Variants in LIMD1 observed in about 807,000 individuals in gnomAD.
The protein encoded by LIMD1 is LIM domain-containing protein 1.
In LIMD1, 23 loss-of-function variants were observed where a neutral mutation model predicts 58.4. That is an observed-to-expected ratio of 0.39 (90% CI 0.28 to 0.56). The LOEUF is 0.56. LIMD1 is among the 20% of genes least tolerant of loss of function. The pLI is 0.57. For missense variants in LIMD1, 838 were observed against 855.5 expected, an observed-to-expected ratio of 0.98 and a Z score of 0.25; for synonymous variants, 334 against 345.5, an observed-to-expected ratio of 0.97 and a Z score of 0.37.
intron 5 of LIMD1, 97 bp downstream of exon 5, chr3:45,672,917 C>T (rs760141918): frequency 4.3e-5 from 62 of 1,444,864 alleles, no homozygotes; most frequent in African/African-American, 9.8e-5. Flanking sequence ...GTTTGCCAGC[C>T]GCCCTTAGAT....
chr3:45,658,984 CT>C (rs1490449968), intron 2 of LIMD1, among the ~76,000 whole-genome samples: 1 of 151,994 alleles, frequency 6.6e-6, no homozygotes, highest in Non-Finnish European at 1.5e-5. Flanking sequence ...TTGCTTTTTA[CT>C]TTTCACATTA....
At chr3:45,671,297 C>T (rs568908330) in intron 4 of LIMD1, among the ~76,000 whole-genome samples, 3 of 152,292 alleles carry the variant, frequency 2.0e-5, no homozygotes, top group South Asian at 2.1e-4. Context: ...TGGAGTTATC[C>T]GCCTGAGGCT....
At chr3:45,630,966 G>C (rs530730218) in intron 1 of LIMD1, among the ~76,000 whole-genome samples, 1 of 152,280 alleles carries the variant, frequency 6.6e-6, no homozygotes, top group African/African-American at 2.4e-5. Context: ...CACTTTGGGA[G>C]GCCGAGGCGG....
In LIMD1 at chr3:45,684,603, T is replaced by C. The variant is rs80237001; in HGVS notation, c.*7544T>C. ...ATTCCTGGCGGGAAGCAGACTGATA[T>C]ATAGAGGAGGGGGTTTGAAGAGGTG... On this transcript the variant is annotated 3_prime_UTR_variant, in exon 8 of 8. Transcript: ENST00000273317. The C allele has an allele frequency of 0.059, 9,026 of 152,076 alleles. 893 individuals are homozygous for C. The highest frequency in any genetic ancestry group is 0.2 in the African/African-American group (8,485 of 41,436). 9.4% of individuals were successfully genotyped at this position (152,076 alleles called of 1,614,324 possible).
At position 45,680,050 on chromosome 3, in the gene LIMD1, A is replaced by C. The variant is rs1697720244; in HGVS notation, c.*2991A>C. 1 of 152,218 alleles carries C rather than the reference A, an allele frequency of 6.6e-6. No homozygotes were observed. The highest frequency in any genetic ancestry group is 6.5e-5 in the Admixed American group (1 of 15,286). 9.4% of individuals were successfully genotyped at this position (152,218 alleles called of 1,614,324 possible). ...GGTCTGGTCACCCTCAAGCGCCGTC[A>C]TCGCCTTGTTTCCATGGGCTTCTGT... On this transcript the variant is annotated 3_prime_UTR_variant, in exon 8 of 8. Coordinates refer to ENST00000273317, the MANE Select transcript of LIMD1 (RefSeq NM_014240.3).
intron 1 of LIMD1, among the ~76,000 whole-genome samples, chr3:45,635,263 C>T (rs963315984): frequency 5.3e-5 from 8 of 151,960 alleles, no homozygotes; most frequent in East Asian, 1.9e-4. Flanking sequence ...CTCTCTCTCT[C>T]GATGGATGAT....
intron 2 of LIMD1, among the ~76,000 whole-genome samples, chr3:45,648,724 TG>T (rs1459089108): frequency 1.3e-5 from 2 of 152,206 alleles, no homozygotes; most frequent in Non-Finnish European, 2.9e-5. Flanking sequence ...TCCACATCCT[TG>T]CCAACGCTTA....
chr3:45,596,763 C>T (rs2005227), intron 1 of LIMD1, among the ~76,000 whole-genome samples: 37,283 of 151,288 alleles, frequency 0.25, 5,360 homozygotes, highest in South Asian at 0.42. Flanking sequence ...TCTTGACTGC[C>T]GTGTGTGTGT....
At chr3:45,635,957 G>A (rs1374250071) in intron 1 of LIMD1, 193 bp from the exon 2 acceptor site, 4 of 985,158 alleles carry the variant, frequency 4.1e-6, no homozygotes, top group Non-Finnish European at 3.6e-6. Context: ...GTCCAGCCTG[G>A]TAGCTGTTTT....
chr3:45,606,059 A>G (rs115117750), intron 1 of LIMD1, among the ~76,000 whole-genome samples: 1 of 152,336 alleles, frequency 6.6e-6, no homozygotes, highest in Non-Finnish European at 1.5e-5. Context: ...GCTCTGAGAC[A>G]GTTTTACTAA....
At chr3:45,649,750 T>TAAA (rs1701945707) in intron 2 of LIMD1, among the ~76,000 whole-genome samples, 1 of 145,808 alleles carries the variant, frequency 6.9e-6, no homozygotes, top group African/African-American at 2.5e-5. Context: ...TTATATATAA[T>TAAA]TATATATTTT....
At chr3:45,597,331 C>T (rs1185826026) in intron 1 of LIMD1, among the ~76,000 whole-genome samples, 1 of 152,170 alleles carries the variant, frequency 6.6e-6, no homozygotes, top group African/African-American at 2.4e-5. Flanking sequence ...CCCTGCCGCA[C>T]CATGTGCCTC....
intron 1 of LIMD1, among the ~76,000 whole-genome samples, chr3:45,631,342 G>C (rs1279770207): frequency 1.3e-5 from 2 of 151,866 alleles, no homozygotes; most frequent in African/African-American, 2.4e-5. Context: ...CCAGGGTCTG[G>C]CCCATAGTAG....
intron 1 of LIMD1, among the ~76,000 whole-genome samples, chr3:45,606,629 A>T (rs1701470456): frequency 6.6e-6 from 1 of 152,206 alleles, no homozygotes; most frequent in East Asian, 1.9e-4. Context: ...GGTTAGGGCA[A>T]GTGGACCATG....
chr3:45,612,065 T>TAC (rs796172165), intron 1 of LIMD1, among the ~76,000 whole-genome samples: 4 of 137,442 alleles, frequency 2.9e-5, no homozygotes, highest in Non-Finnish European at 6.4e-5. Context: ...GGTTTGCAGG[T>TAC]GCGCGCTCTC....
intron 2 of LIMD1, among the ~76,000 whole-genome samples, chr3:45,664,185 T>A (rs937293883): frequency 6.6e-6 from 1 of 152,106 alleles, no homozygotes; most frequent in Non-Finnish European, 1.5e-5. Context: ...TTTGTACCTT[T>A]TGTAGAGACA....
chr3:45,624,906 C>T (rs1357569624), intron 1 of LIMD1, among the ~76,000 whole-genome samples: 3 of 141,308 alleles, frequency 2.1e-5, no homozygotes, highest in Admixed American at 1.5e-4. Flanking sequence ...TTTGTAAATG[C>T]TGCCTTTGCT....
At position 45,677,484 on chromosome 3, in the gene LIMD1, T is replaced by G; in HGVS notation, c.*425T>G. 6.3e-6 allele frequency: 1 copy of G among 158,742 alleles called. No homozygotes were observed. Among genetic ancestry groups the G allele is most frequent in the Non-Finnish European group, 1.4e-5 (1 of 71,952 alleles). The allele number at this position is 158,742 out of a possible 1,614,324, so 9.8% of individuals were successfully genotyped here. On this transcript the variant is annotated 3_prime_UTR_variant, in exon 8 of 8. Coordinates refer to ENST00000273317, the MANE Select transcript of LIMD1 (RefSeq NM_014240.3). ...AACCCTTTCTCTTCCTTCAGGAAAA[T>G]ACCTATACCCAAATGTTCCCTCCCC...
chr3:45,597,069 C>T (rs1184605762), intron 1 of LIMD1, among the ~76,000 whole-genome samples: 1 of 151,770 alleles, frequency 6.6e-6, no homozygotes, highest in Non-Finnish European at 1.5e-5. Context: ...ACTGCGCTAG[C>T]CAGGATGTTC....
Sources: allele counts gnomAD v4.1 joint callset (sites outside exome capture counted in the v4.1 genomes callset), GRCh38; gene constraint gnomAD v4.1.1; transcripts MANE v1.5; gene names NCBI Gene and HGNC (gene_info 2026-07-23, HGNC 2026-07-21).